MDGA2: variants seen among roughly 807,000 people sequenced by gnomAD.
The protein encoded by MDGA2 is MAM domain containing glycosylphosphatidylinositol anchor 2.
Under a neutral mutation model 117.8 loss-of-function variants are expected in MDGA2, and 40 were observed. The observed-to-expected ratio is 0.34, with a 90% CI of 0.26 to 0.44. The LOEUF (loss-of-function observed/expected upper bound fraction) is 0.44, where lower values mean the gene tolerates loss of function less well. Among genes scored for constraint, MDGA2 ranks in the 20% least tolerant of loss-of-function variants. The probability of loss-of-function intolerance (pLI) is 1.00; values close to 1 mark genes in which losing one functional copy is unlikely to be tolerated. For missense variants in MDGA2, 1,123 were observed against 1,250.6 expected, an observed-to-expected ratio of 0.90 and a Z score of 1.54; for synonymous variants, 452 against 439.0, an observed-to-expected ratio of 1.03 and a Z score of -0.37.
At chr14:47,557,878 T>C (rs1594916201) in intron 1 of MDGA2, among the ~76,000 whole-genome samples, 2 of 152,268 alleles carry the variant, frequency 1.3e-5, no homozygotes, top group Middle Eastern at 3.4e-3. Flanking sequence ...AAAACTCACC[T>C]CTCCACATTG....
chr14:47,578,228 G>C (rs1213093549), intron 1 of MDGA2, among the ~76,000 whole-genome samples: 1 of 151,796 alleles, frequency 6.6e-6, no homozygotes, highest in Non-Finnish European at 1.5e-5. Context: ...ACAGAGAGGG[G>C]AACAACACAC....
chr14:47,193,486 T>C (rs1004327057), intron 3 of MDGA2, among the ~76,000 whole-genome samples: 5 of 152,228 alleles, frequency 3.3e-5, no homozygotes, highest in African/African-American at 1.2e-4. Flanking sequence ...CAGTAGCCTA[T>C]GAACTTTCTG....
At chr14:47,551,898 G>A (rs1008176880) in intron 1 of MDGA2, among the ~76,000 whole-genome samples, 1 of 151,900 alleles carries the variant, frequency 6.6e-6, no homozygotes, top group African/African-American at 2.4e-5. Context: ...ATTAATATAT[G>A]TGAAAGAGGA....
chr14:47,342,885 G>T, intron 1 of MDGA2: 2 of 401,900 alleles, frequency 5.0e-6, no homozygotes, highest in Admixed American at 6.2e-5. Flanking sequence ...TCCGTGTGGG[G>T]GAAAAAAGAG....
intron 3 of MDGA2, among the ~76,000 whole-genome samples, chr14:47,161,026 C>T (rs926602877): frequency 6.6e-6 from 1 of 152,036 alleles, no homozygotes; most frequent in African/African-American, 2.4e-5. Flanking sequence ...ATTTTTACTT[C>T]CTTTCTTCCC....
chr14:47,590,424 G>GTAAAAAAATACATTT (rs1896414666), intron 1 of MDGA2, among the ~76,000 whole-genome samples: 1 of 151,838 alleles, frequency 6.6e-6, no homozygotes, highest in Non-Finnish European at 1.5e-5. Context: ...ATTCAAGGTA[G>GTAAAAAAATACATTT]AGGGAAAGGT....
intron 6 of MDGA2, among the ~76,000 whole-genome samples, chr14:47,086,119 T>C (rs201040034): frequency 7.6e-6 from 1 of 131,862 alleles, no homozygotes; most frequent in Non-Finnish European, 1.7e-5. Flanking sequence ...TTTTTGTTTT[T>C]TGTTTTTTTT....
Position 47,218,126 on chromosome 14 carries a change from A to G in MDGA2, c.490T>C (p.Leu164=), listed in dbSNP as rs1263351921. ...FQDSSVFNET[L]RITNIQRHQG... is the part of the protein sequence containing the mutation. ...TGTCGCTGAATATTTGTAATCCTCA[A>G]AGTCTCATTGAAGACACTTGAGTCT... The change falls in exon 3 of 17, where the codon TTG becomes CTG. Residue 164 remains leucine (L), a synonymous_variant. Transcript: ENST00000399232. The G allele has an allele frequency of 1.3e-6, 2 of 1,551,204 alleles. No individual in the cohort carries two copies. Among genetic ancestry groups the G allele is most frequent in the East Asian group, 2.4e-5 (1 of 40,892 alleles).
At chr14:46,947,418 A>G (rs1885210388) in intron 9 of MDGA2, among the ~76,000 whole-genome samples, 1 of 151,996 alleles carries the variant, frequency 6.6e-6, no homozygotes, top group South Asian at 2.1e-4. Context: ...TCCCCCCAAC[A>G]TATTGTTGCT....
intron 6 of MDGA2, among the ~76,000 whole-genome samples, chr14:47,077,385 T>G (rs1304466361): frequency 6.6e-6 from 1 of 152,134 alleles, no homozygotes; most frequent in Admixed American, 6.5e-5. Flanking sequence ...GTACATGAAC[T>G]TTATCATATG....
At chr14:47,312,693 G>GTTTTTTTTTTTTTTTTT (rs375332903) in intron 1 of MDGA2, among the ~76,000 whole-genome samples, 39 of 104,360 alleles carry the variant, frequency 3.7e-4, no homozygotes, top group South Asian at 5.9e-4. Context: ...TTTTTGTTTT[G>GTTTTTTTTTTTTTTTTT]TTTTGTTTTT....
At chr14:47,157,048 A>T (rs1566655383) in intron 3 of MDGA2, among the ~76,000 whole-genome samples, 3 of 152,234 alleles carry the variant, frequency 2.0e-5, no homozygotes, top group Admixed American at 6.5e-5. Context: ...ATCAATAATT[A>T]AGAACAAAGC....
intron 1 of MDGA2, among the ~76,000 whole-genome samples, chr14:47,621,183 T>C (rs1283729933): frequency 6.6e-6 from 1 of 152,146 alleles, no homozygotes; most frequent in East Asian, 1.9e-4. Flanking sequence ...TTTCCTTTTA[T>C]TTACAATTCC....
At chr14:47,161,784 A>T (rs1262272345) in intron 3 of MDGA2, among the ~76,000 whole-genome samples, 9 of 150,686 alleles carry the variant, frequency 6.0e-5, no homozygotes, top group Admixed American at 6.0e-4. Context: ...GCCAACCTCA[A>T]CTCTTATATT....
At position 47,510,923 on chromosome 14, in the gene MDGA2, T is replaced by G. The variant is rs57667210; in HGVS notation, c.280+163594A>C. 9.8e-3 allele frequency among the ~76,000 whole-genome samples: 1,480 copies of G among 151,510 alleles called. 26 individuals carry two copies. Among genetic ancestry groups the G allele is most frequent in the African/African-American group, 0.034 (1,417 of 41,270 alleles). Reference sequence around the variant, plus strand: ...TGGATCTCAGCTCAAATGTTTTTTCTTTGGTACAGGCCTCATTAAGTATCT... The same window carrying G: ...TGGATCTCAGCTCAAATGTTTTTTCGTTGGTACAGGCCTCATTAAGTATCT... On this transcript the variant is annotated intron_variant, in intron 1 of 16. Transcript: ENST00000399232.
intron 3 of MDGA2, among the ~76,000 whole-genome samples, chr14:47,213,642 C>T (rs1885967730): frequency 6.7e-6 from 1 of 148,246 alleles, no homozygotes; most frequent in Non-Finnish European, 1.5e-5. Context: ...TTTTCCAGCC[C>T]TTCTGCTGAT....
intron 1 of MDGA2, among the ~76,000 whole-genome samples, chr14:47,647,802 T>C (rs569960720): frequency 2.0e-5 from 3 of 152,258 alleles, no homozygotes; most frequent in African/African-American, 4.8e-5. Context: ...AAATCAGCTA[T>C]ATACATTGTA....
chr14:47,544,489 C>T (rs1255692862), intron 1 of MDGA2, among the ~76,000 whole-genome samples: 1 of 152,100 alleles, frequency 6.6e-6, no homozygotes, highest in Non-Finnish European at 1.5e-5. Flanking sequence ...ATGTGTCTGC[C>T]AAGCCTAATA....
At position 46,874,187 on chromosome 14, in the gene MDGA2, AC is replaced by A; in HGVS notation, c.2450del (p.Cys817LeufsTer75). ...AACAAATATTACCATCTTCAAATCC[AC>A]AATGAAATTCTCCTGTTGGTAAATT... Reference protein sequence around the residue: ...PVNPHLREFHCGFEDGNICLF... With the variant: ...PVNPHLREFHXGFEDGNICLF... On this transcript the variant is annotated frameshift_variant, in exon 13 of 17. Transcript: ENST00000399232. LOFTEE classifies it high-confidence loss of function. 2 of 1,426,714 alleles carry A rather than the reference AC, an allele frequency of 1.4e-6. No homozygotes were observed. Among genetic ancestry groups the A allele is most frequent in the Non-Finnish European group, 1.8e-6 (2 of 1,082,908 alleles). 88.4% of individuals were successfully genotyped at this position (1,426,714 alleles called of 1,614,324 possible).
Sources: allele counts gnomAD v4.1 joint callset (sites outside exome capture counted in the v4.1 genomes callset), GRCh38; gene constraint gnomAD v4.1.1; transcripts MANE v1.5; gene names NCBI Gene and HGNC (gene_info 2026-07-23, HGNC 2026-07-21).